The following EXOC3 variants were observed in gnomAD, a reference collection of about 807,000 sequenced individuals.
EXOC3 encodes the protein exocyst complex component 3.
A neutral mutation model predicts 73.7 loss-of-function variants in EXOC3; 21 were observed. The ratio of observed to expected loss-of-function variants is 0.29; its 90% CI spans 0.20 to 0.41. The LOEUF is 0.41. Ranked by LOEUF, EXOC3 falls within the 10% of genes least tolerant of loss-of-function variation. EXOC3 has a pLI of 1.00. For missense variants in EXOC3, 842 were observed against 985.1 expected, an observed-to-expected ratio of 0.85 and a Z score of 1.95; for synonymous variants, 410 against 389.1, an observed-to-expected ratio of 1.05 and a Z score of -0.63.
At position 462,449 on chromosome 5, in the gene EXOC3, G is replaced by A. The variant is rs113529328; in HGVS notation, c.1653+142G>A. ...TGTGCACTTGCATTCCGGTCAGATCGCTTAAAGCGCCTCCGTTTTCGGTGA... is the reference window on the plus strand; with the variant it reads ...TGTGCACTTGCATTCCGGTCAGATCACTTAAAGCGCCTCCGTTTTCGGTGA... On this transcript the variant is annotated intron_variant, in intron 9 of 12. Transcript: ENST00000512944. 6.5e-4 allele frequency: 563 copies of A among 861,746 alleles called. 1 individual carries two copies. In the African/African-American group the frequency reaches 8.4e-3, roughly 13 times the overall value. The allele number at this position is 861,746 out of a possible 1,614,324, so 53.4% of individuals were successfully genotyped here.
At position 464,313 on chromosome 5, in the gene EXOC3, G is replaced by C. The variant is rs369512321; in HGVS notation, c.1677G>C (p.Thr559=). ...DLEQHLNELM[T]KKWLLGSNAV... ...AGCAACATCTGAATGAATTGATGAC[G>C]AAGAAGTGGCTATTAGGGTCAAACG... is the stretch of plus-strand genomic sequence containing the variant. Residue 559 remains threonine (T), a synonymous_variant, in exon 10 of 13, where the codon ACG becomes ACC. Coordinates refer to ENST00000512944, the MANE Select transcript of EXOC3 (RefSeq NM_007277.5). 2 of 1,613,450 alleles carry C rather than the reference G, an allele frequency of 1.2e-6. No homozygotes were observed. The highest frequency in any genetic ancestry group is 1.7e-6 in the Non-Finnish European group (2 of 1,179,422).
At chr5:458,929 C>T (rs1452134927) in intron 6 of EXOC3, among the ~76,000 whole-genome samples, 1 of 152,222 alleles carries the variant, frequency 6.6e-6, no homozygotes, top group African/African-American at 2.4e-5. Context: ...TGCCCTTCCT[C>T]TGCCTGGGTC....
At chr5:448,875 G>A (rs573085226) in intron 3 of EXOC3, among the ~76,000 whole-genome samples, 3 of 152,182 alleles carry the variant, frequency 2.0e-5, no homozygotes, top group Admixed American at 1.3e-4. Context: ...GTGTCTCTTT[G>A]TGCATGCCCA....
intron 4 of EXOC3, among the ~76,000 whole-genome samples, chr5:455,791 A>T (rs558936571): frequency 1.3e-5 from 2 of 152,140 alleles, no homozygotes; most frequent in East Asian, 3.9e-4. Flanking sequence ...TTTTTAATAG[A>T]GATGGGGTTT....
chr5:446,772 G>C (rs950311385), intron 2 of EXOC3, among the ~76,000 whole-genome samples: 9 of 152,004 alleles, frequency 5.9e-5, no homozygotes, highest in Non-Finnish European at 1.3e-4. Flanking sequence ...CAAGAGAATC[G>C]CTTGAACCCA....
intron 12 of EXOC3, chr5:466,104 G>A (rs1560941730): frequency 5.4e-6 from 2 of 372,048 alleles, no homozygotes; most frequent in Non-Finnish European, 1.0e-5. Context: ...GGTGGGGGCG[G>A]GGCTGTGACA....
rs753102292 is a variant in EXOC3, at chr5:456,917, G to T, written c.1075G>T (p.Ala359Ser). 1.9e-6 allele frequency: 3 copies of T among 1,614,018 alleles called. No individual in the cohort carries two copies. The Admixed American group carries it at 5.0e-5, about 27-fold the overall frequency. ...STEMMRNVELAPEVDVGTLEP... is the reference protein window; with the variant it reads ...STEMMRNVELSPEVDVGTLEP... ...TGAGATGATGAGGAACGTGGAGCTG[G>T]CCCCGGAAGTGGATGTCGGCACCCT... The change falls in exon 5 of 13, where the codon GCC becomes TCC. Residue 359 changes from alanine (A) to serine (S), a missense_variant. Coordinates refer to ENST00000512944, the MANE Select transcript of EXOC3 (RefSeq NM_007277.5).
chr5:463,123 A>T (rs1738038415), intron 9 of EXOC3, among the ~76,000 whole-genome samples: 1 of 152,112 alleles, frequency 6.6e-6, no homozygotes, highest in Admixed American at 6.5e-5. Flanking sequence ...AACAACAACA[A>T]AATAATAAGA....
At chr5:457,651 A>T in intron 5 of EXOC3, 1 of 400,722 alleles carries the variant, frequency 2.5e-6, no homozygotes, top group Non-Finnish European at 4.6e-6. Context: ...CCAAAAGGGC[A>T]TCTAGTTTCT....
chr5:447,559 G>A lies in EXOC3; in HGVS notation c.171G>A (p.Gly57=). Residue 57 remains glycine, a synonymous_variant, in exon 3 of 13, where the codon GGG becomes GGA. Coordinates refer to ENST00000512944, the MANE Select transcript of EXOC3 (RefSeq NM_007277.5). ...CCGCCATCCAGTCACAGTTGGACGG[G>A]GTGCGCACAGGCCTCAGCCAGCTCC... ...LKAAIQSQLD[G]VRTGLSQLHN... is the part of the protein sequence containing the mutation. 1 of 1,584,346 alleles carries A rather than the reference G, an allele frequency of 6.3e-7. No homozygotes were observed. Among genetic ancestry groups the A allele is most frequent in the East Asian group, 2.3e-5 (1 of 42,890 alleles).
intron 1 of EXOC3, among the ~76,000 whole-genome samples, chr5:445,573 C>T (rs1163088030): frequency 6.6e-6 from 1 of 152,146 alleles, no homozygotes; most frequent in Admixed American, 6.5e-5. Flanking sequence ...CCAGGATGGT[C>T]TCGATCTCCT....
In EXOC3 at chr5:466,985, C is replaced by T; in HGVS notation, c.*87C>T. 1 of 1,330,770 alleles carries T rather than the reference C, an allele frequency of 7.5e-7. No individual in the cohort carries two copies. The highest frequency in any genetic ancestry group is 1.4e-5 in the South Asian group (1 of 72,006). The allele number at this position is 1,330,770 out of a possible 1,614,324, so 82.4% of individuals were successfully genotyped here. A position where few individuals can be genotyped will look rare whatever the true frequency, so the allele number is the denominator to read the frequency against. On this transcript the variant is annotated 3_prime_UTR_variant, in exon 13 of 13. Transcript: ENST00000512944. ...GACAGCTGATTGCTCTCCTTGGCCA[C>T]ACGTGCTCCTTTTAGCTGCACGGCC...
chr5:451,254 A>G (rs1332007612), intron 3 of EXOC3, among the ~76,000 whole-genome samples: 1 of 152,326 alleles, frequency 6.6e-6, no homozygotes, highest in African/African-American at 2.4e-5. Flanking sequence ...AACATCTAAC[A>G]TTATCTCGCT....
chr5:446,865 A>G (rs566406782), intron 2 of EXOC3, among the ~76,000 whole-genome samples: 19 of 152,274 alleles, frequency 1.2e-4, no homozygotes, highest in African/African-American at 4.6e-4. Flanking sequence ...TCAAAAAGAA[A>G]AAAAAAACAC....
Position 462,263 on chromosome 5 carries a change from G to A in EXOC3, c.1609G>A (p.Glu537Lys), listed in dbSNP as rs753906965. 16 of 1,613,860 alleles carry A rather than the reference G, an allele frequency of 9.9e-6. No homozygotes were observed. The highest frequency in any genetic ancestry group is 1.3e-5 in the Non-Finnish European group (15 of 1,179,916). ...MDGILDAIAK[E>K]GCSGLLEEVF... is the part of the protein sequence containing the mutation. The stretch of plus-strand genomic sequence containing the variant: ...CGGGATTTTAGACGCCATCGCGAAG[G>A]AGGGCTGCAGCGGTTTGCTGGAGGA... The change falls in exon 9 of 13, where the codon GAG becomes AAG. Residue 537 changes from glutamate (E) to lysine (K), a missense_variant. Transcript: ENST00000512944.
chr5:459,338 C>G (rs1480902612), intron 6 of EXOC3, 21 bp from the exon 7 acceptor site: 1 of 1,376,522 alleles, frequency 7.3e-7, no homozygotes, highest in Non-Finnish European at 1.0e-6. Flanking sequence ...TACCAGAATT[C>G]ATAAGTTCTC....
chr5:466,017 G>C, intron 12 of EXOC3, 172 bp downstream of exon 12: 1 of 632,182 alleles, frequency 1.6e-6, no homozygotes, highest in Non-Finnish European at 2.6e-6. Flanking sequence ...AGCTGCTTCT[G>C]TGCTGCCTTC....
At chr5:455,704 C>T (rs1336228972) in intron 4 of EXOC3, among the ~76,000 whole-genome samples, 2 of 152,202 alleles carry the variant, frequency 1.3e-5, no homozygotes, top group Non-Finnish European at 2.9e-5. Context: ...CCCGGCTTCA[C>T]GCCATTCTCC....
At chr5:456,853 C>A in intron 4 of EXOC3, 36 bp from the exon 5 acceptor site, 1 of 1,484,584 alleles carries the variant, frequency 6.7e-7, no homozygotes, top group Non-Finnish European at 9.4e-7. Flanking sequence ...CTGTGTCTGT[C>A]GTGGTTTGTC....
Sources: allele counts gnomAD v4.1 joint callset (sites outside exome capture counted in the v4.1 genomes callset), GRCh38; gene constraint gnomAD v4.1.1; transcripts MANE v1.5; gene names NCBI Gene and HGNC (gene_info 2026-07-23, HGNC 2026-07-21).